The following ZDHHC15 variants were observed in gnomAD, a reference collection of about 807,000 sequenced individuals.
ZDHHC15 encodes zDHHC palmitoyltransferase 15, also known as palmitoyltransferase ZDHHC15.
ZDHHC15 carries 19 observed loss-of-function variants against 31.7 expected under a neutral mutation model. The ratio of observed to expected loss-of-function variants is 0.60; its 90% CI spans 0.42 to 0.88. The LOEUF (loss-of-function observed/expected upper bound fraction) is 0.88, where lower values mean the gene tolerates loss of function less well. Ranked by LOEUF, ZDHHC15 falls within the 40% of genes least tolerant of loss-of-function variation. The probability of loss-of-function intolerance (pLI) is 0.00; values close to 1 mark genes in which losing one functional copy is unlikely to be tolerated. For synonymous variants in ZDHHC15, 103 were observed against 90.0 expected (o/e 1.14, Z -0.82); for missense variants, 209 against 251.2 (o/e 0.83, Z 1.14).
At position 75,440,581 on chromosome X, in the gene ZDHHC15, G is replaced by A. The variant is rs751999394; in HGVS notation, c.380-9061C>T. ...GGCGTGAGCCACCGTGCCCAACCAC[G>A]TTCTTTTATGTGTTGTTGTAATGGC... On this transcript the variant is annotated intron_variant, in intron 4 of 11. Transcript: ENST00000373367. 5.3e-5 allele frequency among the ~76,000 whole-genome samples: 6 copies of A among 112,579 alleles called. No homozygotes were observed. The South Asian group carries it at 1.5e-3, about 27-fold the overall frequency.
chrX:75,414,259 C>T (rs1406440872), intron 10 of ZDHHC15, among the ~76,000 whole-genome samples: 1 of 110,526 alleles, frequency 9.0e-6, no homozygotes, highest in Non-Finnish European at 1.9e-5. Flanking sequence ...TCAAAAATGA[C>T]ATCAGAGAAG....
intron 2 of ZDHHC15, among the ~76,000 whole-genome samples, chrX:75,493,440 G>A (rs1480935729): frequency 8.9e-6 from 1 of 111,750 alleles, no homozygotes; most frequent in African/African-American, 3.3e-5. Flanking sequence ...TATGAGGCCA[G>A]CATCATCCTG....
intron 3 of ZDHHC15, among the ~76,000 whole-genome samples, chrX:75,460,016 C>T (rs1317818018): frequency 8.9e-6 from 1 of 112,220 alleles, no homozygotes; most frequent in African/African-American, 3.2e-5. Flanking sequence ...GCTGGGATTA[C>T]AGGCATGGGC....
intron 3 of ZDHHC15, among the ~76,000 whole-genome samples, chrX:75,458,200 A>G (rs2084254596): frequency 8.9e-6 from 1 of 112,124 alleles, no homozygotes; most frequent in Non-Finnish European, 1.9e-5. Context: ...CACTGTGTTG[A>G]GTGAAAGGTA....
chrX:75,376,368 G>A (rs2083060976), intron 11 of ZDHHC15, among the ~76,000 whole-genome samples: 1 of 108,330 alleles, frequency 9.2e-6, no homozygotes, highest in African/African-American at 3.3e-5. Flanking sequence ...TTTTGCTACT[G>A]ATAATTTCTT....
chrX:75,382,482 G>C (rs1371028811), intron 10 of ZDHHC15, among the ~76,000 whole-genome samples: 1 of 111,954 alleles, frequency 8.9e-6, no homozygotes, highest in Non-Finnish European at 1.9e-5. Context: ...AGTGTATTGT[G>C]TTTGATGTTT....
chrX:75,519,956 A>C (rs763072013), intron 1 of ZDHHC15, among the ~76,000 whole-genome samples: 1 of 112,037 alleles, frequency 8.9e-6, no homozygotes, highest in African/African-American at 3.2e-5. Context: ...CAGGCAAAAT[A>C]TATCTGAAGG....
chrX:75,437,366 A>G (rs1343843979), intron 4 of ZDHHC15, among the ~76,000 whole-genome samples: 1 of 96,814 alleles, frequency 1.0e-5, no homozygotes, highest in Admixed American at 1.2e-4. Flanking sequence ...TACATGTGCC[A>G]TGCTGGTGTG....
At chrX:75,463,410 C>T (rs1318509597) in intron 3 of ZDHHC15, among the ~76,000 whole-genome samples, 2 of 111,054 alleles carry the variant, frequency 1.8e-5, no homozygotes, top group African/African-American at 6.5e-5. Context: ...TTCTGTGAGG[C>T]TAACTTCATC....
intron 1 of ZDHHC15, among the ~76,000 whole-genome samples, chrX:75,517,320 A>T (rs2148074847): frequency 9.0e-6 from 1 of 111,057 alleles, no homozygotes; most frequent in South Asian, 3.9e-4. Flanking sequence ...CACAATAGCA[A>T]AGACTTGGAA....
At position 75,374,687 on chromosome X, in the gene ZDHHC15, G is replaced by GTGTA. The variant is rs745526466; in HGVS notation, c.*33-1743_*33-1742insTACA. ...TGTGTGTGTGTGTGTGTGTGTGTGT[G>GTGTA]TATATATATATAATATATGTATATA... On this transcript the variant is annotated intron_variant, in intron 11 of 11. Transcript: ENST00000373367. 1.6e-3 allele frequency among the ~76,000 whole-genome samples: 150 copies of GTGTA among 91,671 alleles called. 3 individuals are homozygous for GTGTA. Among genetic ancestry groups the GTGTA allele is most frequent in the African/African-American group, 4.8e-3 (124 of 25,645 alleles). 79.6% of individuals were successfully genotyped at this position (91,671 alleles called of 115,157 possible).
At chrX:75,519,522 T>C (rs1459353378) in intron 1 of ZDHHC15, among the ~76,000 whole-genome samples, 2 of 111,795 alleles carry the variant, frequency 1.8e-5, no homozygotes, top group Non-Finnish European at 3.8e-5. Flanking sequence ...GTCTCCAGGC[T>C]AGTAAATGGC....
At chrX:75,452,235 C>T (rs1260057050) in intron 3 of ZDHHC15, among the ~76,000 whole-genome samples, 1 of 104,540 alleles carries the variant, frequency 9.6e-6, no homozygotes, top group Non-Finnish European at 1.9e-5. Flanking sequence ...GCAGGGGTTG[C>T]AATCCTAGTC....
intron 2 of ZDHHC15, among the ~76,000 whole-genome samples, chrX:75,498,002 C>T (rs1361531587): frequency 9.4e-6 from 1 of 106,226 alleles, no homozygotes; most frequent in Non-Finnish European, 1.9e-5. Flanking sequence ...GGCGTGATCT[C>T]AGCTCACCGC....
intron 7 of ZDHHC15, among the ~76,000 whole-genome samples, chrX:75,428,651 G>A (rs1220488236): frequency 8.9e-6 from 1 of 111,816 alleles, no homozygotes; most frequent in Admixed American, 9.6e-5. Flanking sequence ...ACTCTCCTTT[G>A]AATAGGGAAT....
At chrX:75,432,453 G>A (rs1057454317) in intron 4 of ZDHHC15, among the ~76,000 whole-genome samples, 3 of 112,221 alleles carry the variant, frequency 2.7e-5, no homozygotes, top group Non-Finnish European at 5.6e-5. Flanking sequence ...ACTAATGGAA[G>A]TATGTGAGTG....
intron 10 of ZDHHC15, chrX:75,384,660 C>T (rs2083160595): frequency 2.4e-6 from 2 of 846,315 alleles, no homozygotes; most frequent in Non-Finnish European, 3.5e-6. Context: ...GAGATAGCTT[C>T]CTGAAACGCA....
intron 4 of ZDHHC15, among the ~76,000 whole-genome samples, chrX:75,448,611 A>T (rs1027907633): frequency 2.7e-5 from 3 of 111,911 alleles, no homozygotes; most frequent in African/African-American, 9.7e-5. Context: ...AAACTCACTC[A>T]AGAATACCTA....
chrX:75,428,784 T>C (rs2083743468), intron 7 of ZDHHC15, among the ~76,000 whole-genome samples: 1 of 111,729 alleles, frequency 9.0e-6, no homozygotes, highest in Non-Finnish European at 1.9e-5. Context: ...ACTTTAAAAC[T>C]CACCTGGAGA....
Sources: gnomAD v4.1 joint callset for allele counts (sites outside exome capture counted in the v4.1 genomes callset) on GRCh38, gnomAD v4.1.1 for gene constraint, MANE v1.5 for transcripts, NCBI Gene and HGNC (gene_info 2026-07-23, HGNC 2026-07-21) for gene names.